Variants in SNX9 observed in about 807,000 individuals in gnomAD.
SNX9 encodes the protein sorting nexin-9.
A neutral mutation model predicts 89.4 loss-of-function variants in SNX9; 44 were observed. The observed-to-expected ratio is 0.49, with a 90% CI of 0.39 to 0.63. The LOEUF is 0.63. Among genes scored for constraint, SNX9 ranks in the 30% least tolerant of loss-of-function variants. The pLI, the probability that SNX9 is intolerant of heterozygous loss-of-function variation, is 0.00. For missense variants in SNX9, 578 were observed against 736.1 expected (o/e 0.79, Z 2.49); for synonymous variants, 236 against 247.8 (o/e 0.95, Z 0.45).
intron 6 of SNX9, among the ~76,000 whole-genome samples, chr6:157,903,226 G>A (rs373168852): frequency 6.6e-6 from 1 of 152,162 alleles, no homozygotes; most frequent in Non-Finnish European, 1.5e-5. Context: ...ATTCAAGGCA[G>A]ATATCAAAGA....
chr6:157,857,459 TA>T (rs888445729), intron 1 of SNX9, among the ~76,000 whole-genome samples: 4 of 151,652 alleles, frequency 2.6e-5, no homozygotes, highest in African/African-American at 7.3e-5. Flanking sequence ...TTACCTTTTT[TA>T]AAAAAAAATT....
intron 5 of SNX9, among the ~76,000 whole-genome samples, chr6:157,897,716 A>G (rs6455895): frequency 0.23 from 34,970 of 151,984 alleles, 4,188 homozygotes; most frequent in African/African-American, 0.27. Flanking sequence ...AGGTTTCACC[A>G]TGTTGGCCAG....
At chr6:157,870,641 CCTG>C (rs1002622555) in intron 2 of SNX9, among the ~76,000 whole-genome samples, 9 of 149,878 alleles carry the variant, frequency 6.0e-5, no homozygotes, top group Non-Finnish European at 1.0e-4. Flanking sequence ...CCCACACTCT[CCTG>C]CTCTCACACA....
intron 3 of SNX9, 126 bp from the exon 4 acceptor site, chr6:157,874,925 G>A: frequency 2.8e-6 from 3 of 1,062,606 alleles, no homozygotes; most frequent in South Asian, 4.1e-5. Context: ...GGCAAAAGCA[G>A]TGCTTACAGA....
chr6:157,846,998 G>A (rs1781817819), intron 1 of SNX9, among the ~76,000 whole-genome samples: 1 of 152,132 alleles, frequency 6.6e-6, no homozygotes, highest in Admixed American at 6.5e-5. Context: ...AGCCCAGGTA[G>A]CACTACTACA....
chr6:157,897,065 G>C, intron 5 of SNX9, 67 bp downstream of exon 5: 13 of 1,440,544 alleles, frequency 9.0e-6, no homozygotes, highest in Non-Finnish European at 1.2e-5. Context: ...AGGGAAGACC[G>C]AACTGTTTTT....
chr6:157,929,920 C>G (rs1047834904), intron 12 of SNX9, among the ~76,000 whole-genome samples: 25 of 152,192 alleles, frequency 1.6e-4, no homozygotes, highest in Non-Finnish European at 2.9e-5. Flanking sequence ...GTCCGAGCAC[C>G]ATATTTGGCT....
At chr6:157,859,596 C>CTACCA (rs1782078036) in intron 1 of SNX9, among the ~76,000 whole-genome samples, 1 of 152,176 alleles carries the variant, frequency 6.6e-6, no homozygotes, top group East Asian at 1.9e-4. Flanking sequence ...ATGTTACTTT[C>CTACCA]GTATATAATA....
At chr6:157,844,590 T>G (rs554080243) in intron 1 of SNX9, among the ~76,000 whole-genome samples, 2 of 143,854 alleles carry the variant, frequency 1.4e-5, no homozygotes, top group East Asian at 4.0e-4. Context: ...AATCCTTGTT[T>G]TTTTTTTTTG....
intron 4 of SNX9, among the ~76,000 whole-genome samples, chr6:157,878,108 G>A (rs1406453092): frequency 6.6e-6 from 1 of 152,114 alleles, no homozygotes; most frequent in African/African-American, 2.4e-5. Context: ...GTTGCTTGGG[G>A]GACCCTTTGG....
intron 6 of SNX9, among the ~76,000 whole-genome samples, chr6:157,903,656 G>A (rs1783152414): frequency 6.6e-6 from 1 of 152,174 alleles, no homozygotes; most frequent in Non-Finnish European, 1.5e-5. Context: ...GAGTGGCCAC[G>A]TTTTCATGGC....
chr6:157,851,205 C>T (rs1370946890), intron 1 of SNX9, among the ~76,000 whole-genome samples: 1 of 151,316 alleles, frequency 6.6e-6, no homozygotes, highest in Admixed American at 6.6e-5. Context: ...CTACAGTGAG[C>T]CGAGATCAAG....
rs2115142431 is a variant in SNX9, at chr6:157,875,173, C to T, written c.297C>T (p.His99=). 2 of 1,607,706 alleles carry T rather than the reference C, an allele frequency of 1.2e-6. No homozygotes were observed. The highest frequency in any genetic ancestry group is 2.2e-5 in the East Asian group (1 of 44,596). Residue 99 remains histidine (H), a synonymous_variant, in exon 4 of 18, where the codon CAC becomes CAT. Transcript: ENST00000392185. ...QASSSAASNN[H]QVGSGNDPWS... ...GTTCGTCGGCTGCCAGCAACAATCACCAGGTACGTCTCACTTCCTCCTTCT... is the reference window on the plus strand; with the variant it reads ...GTTCGTCGGCTGCCAGCAACAATCATCAGGTACGTCTCACTTCCTCCTTCT...
intron 1 of SNX9, among the ~76,000 whole-genome samples, chr6:157,847,663 G>C (rs1214948063): frequency 2.0e-5 from 3 of 152,064 alleles, no homozygotes; most frequent in African/African-American, 7.2e-5. Context: ...TAATTTCCAC[G>C]TGGGCCCAGG....
At chr6:157,925,715 T>C in intron 10 of SNX9, among the ~76,000 whole-genome samples, 1 of 152,054 alleles carries the variant, frequency 6.6e-6, no homozygotes, top group East Asian at 1.9e-4. Flanking sequence ...AGAACGCATT[T>C]ATAGGGCTCT....
At chr6:157,937,958 A>G (rs1783960066) in intron 15 of SNX9, among the ~76,000 whole-genome samples, 1 of 152,278 alleles carries the variant, frequency 6.6e-6, no homozygotes, top group African/African-American at 2.4e-5. Flanking sequence ...ATAACTTAAT[A>G]TAAAACTCAG....
At chr6:157,910,935 C>CA (rs1053095762) in intron 9 of SNX9, among the ~76,000 whole-genome samples, 1 of 152,046 alleles carries the variant, frequency 6.6e-6, no homozygotes, top group Non-Finnish European at 1.5e-5. Flanking sequence ...TCCAGGCTAA[C>CA]ACGGTGTAAC....
At chr6:157,910,088 C>T (rs969789625) in intron 9 of SNX9, 63 bp downstream of exon 9, 2 of 1,324,776 alleles carry the variant, frequency 1.5e-6, no homozygotes, top group Admixed American at 1.7e-5. Context: ...GATTATCTTC[C>T]TGTAAGTCAG....
intron 4 of SNX9, among the ~76,000 whole-genome samples, chr6:157,894,489 TA>T (rs1242008188): frequency 7.6e-6 from 1 of 130,844 alleles, no homozygotes; most frequent in Non-Finnish European, 1.6e-5. Flanking sequence ...AAAAAAAAGC[TA>T]ACAAAAAACT....
Sources: gnomAD v4.1 joint callset for allele counts (sites outside exome capture counted in the v4.1 genomes callset) on GRCh38, gnomAD v4.1.1 for gene constraint, MANE v1.5 for transcripts, NCBI Gene and HGNC (gene_info 2026-07-23, HGNC 2026-07-21) for gene names.